CCNB3: variants seen among roughly 807,000 people sequenced by gnomAD.
CCNB3 encodes cyclin B3.
A neutral mutation model predicts 68.0 loss-of-function variants in CCNB3; 12 were observed. The observed-to-expected ratio is 0.18, with a 90% CI of 0.11 to 0.29. CCNB3 has a LOEUF of 0.29. Ranked by LOEUF, CCNB3 falls within the 10% of genes least tolerant of loss-of-function variation. CCNB3 has a pLI of 1.00. For synonymous variants in CCNB3, 354 were observed against 388.9 expected, an observed-to-expected ratio of 0.91 and a Z score of 1.06; for missense variants, 904 against 993.1, an observed-to-expected ratio of 0.91 and a Z score of 1.21.
chrX:50,213,741 C>T (rs1935519687), intron 1 of CCNB3, among the ~76,000 whole-genome samples: 1 of 111,189 alleles, frequency 9.0e-6, no homozygotes, highest in South Asian at 3.8e-4. Flanking sequence ...TAGCAGTGTG[C>T]TTTCGAAGGA....
At chrX:50,313,708 G>T (rs1244926174) in intron 7 of CCNB3, 148 bp from the exon 8 acceptor site, 1 of 408,072 alleles carries the variant, frequency 2.5e-6, no homozygotes, top group Non-Finnish European at 4.2e-6. Flanking sequence ...ACTGCAACTT[G>T]CCTGGAAAAG....
intron 1 of CCNB3, among the ~76,000 whole-genome samples, chrX:50,222,910 C>T (rs947275796): frequency 1.8e-5 from 2 of 111,421 alleles, no homozygotes; most frequent in African/African-American, 3.3e-5. Flanking sequence ...ACGAATCAAA[C>T]GTAGGTTTCA....
At chrX:50,217,159 C>CT (rs1244057329) in intron 1 of CCNB3, among the ~76,000 whole-genome samples, 7 of 105,326 alleles carry the variant, frequency 6.6e-5, no homozygotes, top group South Asian at 8.3e-4. Context: ...TCTTTTGTAC[C>CT]TTTTTTTTTA....
At chrX:50,295,715 AG>A (rs1936443154) in intron 5 of CCNB3, among the ~76,000 whole-genome samples, 1 of 111,587 alleles carries the variant, frequency 9.0e-6, no homozygotes, top group African/African-American at 3.3e-5. Context: ...GTTATTTGCT[AG>A]CCAGAAGGCC....
intron 5 of CCNB3, among the ~76,000 whole-genome samples, chrX:50,299,539 T>A (rs1313906508): frequency 1.8e-5 from 2 of 111,147 alleles, no homozygotes; most frequent in African/African-American, 6.5e-5. Context: ...TGCTGAGGAG[T>A]GCTTTACTTC....
chrX:50,302,686 A>G (rs1261906031), intron 5 of CCNB3, among the ~76,000 whole-genome samples: 1 of 111,495 alleles, frequency 9.0e-6, no homozygotes, highest in African/African-American at 3.3e-5. Flanking sequence ...CCTATTCTGG[A>G]TGTTTCATAT....
intron 1 of CCNB3, among the ~76,000 whole-genome samples, chrX:50,280,252 ATATC>A (rs1236723125): frequency 3.1e-5 from 3 of 98,206 alleles, no homozygotes; most frequent in African/African-American, 7.3e-5. Flanking sequence ...ATAGATATAA[ATATC>A]TATATAGAAT....
chrX:50,296,044 C>T (rs782612898), intron 5 of CCNB3, among the ~76,000 whole-genome samples: 8 of 111,747 alleles, frequency 7.2e-5, no homozygotes, highest in Non-Finnish European at 1.3e-4. Flanking sequence ...AGTTTGCATG[C>T]ATATTTTGAC....
chrX:50,304,481 A>T (rs183778832), intron 5 of CCNB3, among the ~76,000 whole-genome samples: 8 of 111,597 alleles, frequency 7.2e-5, no homozygotes, highest in African/African-American at 1.6e-4. Context: ...TCCCTTCCTT[A>T]CACCTTATAC....
At chrX:50,203,383 GC>G (rs1935296600), upstream of CCNB3, among the ~76,000 whole-genome samples, 1 of 112,329 alleles carries the variant, frequency 8.9e-6, no homozygotes, top group Non-Finnish European at 1.9e-5. Context: ...GTGTCTTCCA[GC>G]CTCAGATTTA....
rs1469045810 is a variant in CCNB3 at position 50,227,364 on chromosome X, CAG to C, written c.-113+22416_-113+22417del. Among the ~76,000 whole-genome samples, 14 of 70,635 alleles carry C rather than the reference CAG, an allele frequency of 2.0e-4. No individual in the cohort carries two copies. The East Asian group carries it at 3.2e-3, about 16-fold the overall frequency. 61.3% of individuals were successfully genotyped at this position (70,635 alleles called of 115,157 possible). The stretch of plus-strand genomic sequence containing the variant: ...CAGAATATATATATAAATATACTCA[CAG>C]AATATATATAAATATATACATAGAT... On this transcript the variant is annotated intron_variant, in intron 1 of 12. Transcript: ENST00000376042.
rs183962255 is a variant in CCNB3 at position 50,286,393 on chromosome X, C to T, written c.96+1134C>T. On this transcript the variant is annotated intron_variant, in intron 3 of 12. Transcript: ENST00000376042. ...TCGGCTCACTGCAACCTCCACCTTC[C>T]GGGTTTAAGCAATTCCCTGCCTTAG... 1.2e-4 allele frequency among the ~76,000 whole-genome samples: 13 copies of T among 110,661 alleles called. No individual in the cohort carries two copies. In the East Asian group the frequency reaches 3.2e-3, roughly 27 times the overall value.
At chrX:50,279,212 A>ATATATTCTCTATATATAAATATATAGAG (rs1936022383) in intron 1 of CCNB3, among the ~76,000 whole-genome samples, 2 of 418 alleles carry the variant, frequency 4.8e-3, no homozygotes, top group Non-Finnish European at 0.033. Context: ...TATATAGAGT[A>ATATATTCTCTATATATAAATATATAGAG]TATATATTCA....
intron 5 of CCNB3, among the ~76,000 whole-genome samples, chrX:50,306,195 G>GT (rs1373538255): frequency 9.0e-6 from 1 of 110,534 alleles, no homozygotes; most frequent in Non-Finnish European, 1.9e-5. Context: ...TAAGTTTTAT[G>GT]TTTGTTAAAT....
chrX:50,320,071 G>A (rs1557216366), intron 8 of CCNB3, among the ~76,000 whole-genome samples: 3 of 111,052 alleles, frequency 2.7e-5, no homozygotes, highest in Non-Finnish European at 3.8e-5. Flanking sequence ...ATGTTGGTCT[G>A]TAGTGTTCTG....
chrX:50,298,615 A>C (rs1290898632), intron 5 of CCNB3, among the ~76,000 whole-genome samples: 3 of 111,363 alleles, frequency 2.7e-5, no homozygotes, highest in Non-Finnish European at 5.7e-5. Context: ...TGTCTCTGCC[A>C]GGCTTTGGTA....
chrX:50,309,787 C>G lies in CCNB3; in HGVS notation c.1618C>G (p.Gln540Glu), dbSNP rs1921307835. Residue 540 changes from glutamine to glutamate, a missense_variant, in exon 6 of 13, where the codon CAA becomes GAA. Transcript: ENST00000376042. The part of the protein sequence containing the change: ...KVSLKKKCTT[Q>E]EMMSICPELL... ...GTCTTTAAAGAAAAAGTGTACCACA[C>G]AAGAGATGATGTCCATCTGTCCAGA... The G allele has an allele frequency of 2.5e-6, 3 of 1,208,731 alleles. No individual in the cohort carries two copies. The highest frequency in any genetic ancestry group is 2.2e-5 in the Admixed American group (1 of 45,742).
intron 8 of CCNB3, among the ~76,000 whole-genome samples, chrX:50,332,520 ATCC>A (rs781837680): frequency 1.8e-5 from 2 of 111,667 alleles, no homozygotes; most frequent in Non-Finnish European, 3.8e-5. Context: ...TCCCACGATG[ATCC>A]TCCTCATGCT....
chrX:50,349,183 G>A (rs1198128722), intron 11 of CCNB3, among the ~76,000 whole-genome samples: 1 of 112,241 alleles, frequency 8.9e-6, no homozygotes, highest in Non-Finnish European at 1.9e-5. Context: ...GACATTCTAG[G>A]TAGAGGGAGC....
Sources: gnomAD v4.1 joint callset for allele counts (sites outside exome capture counted in the v4.1 genomes callset) on GRCh38, gnomAD v4.1.1 for gene constraint, MANE v1.5 for transcripts, NCBI Gene and HGNC (gene_info 2026-07-23, HGNC 2026-07-21) for gene names.